The following TIMP3 variants were observed in gnomAD, a reference collection of about 807,000 sequenced individuals.
TIMP3 encodes the protein metalloproteinase inhibitor 3.
TIMP3 carries 11 observed loss-of-function variants against 30.0 expected under a neutral mutation model. The observed-to-expected ratio is 0.37, with a 90% confidence interval of 0.23 to 0.61. The LOEUF is 0.61. Ranked by LOEUF, TIMP3 falls within the 20% of genes least tolerant of loss-of-function variation. TIMP3 has a pLI of 0.70. For synonymous variants in TIMP3, 112 were observed against 111.3 expected (o/e 1.01, Z -0.04); for missense variants, 181 against 276.8 (o/e 0.65, Z 2.45).
intron 1 of TIMP3, among the ~76,000 whole-genome samples, chr22:32,806,406 A>G (rs1204018342): frequency 6.6e-6 from 1 of 152,206 alleles, no homozygotes; most frequent in Non-Finnish European, 1.5e-5. Flanking sequence ...ATTAAAAACA[A>G]AAACAACAAC....
chr22:32,817,938 G>A (rs544112029), intron 1 of TIMP3, among the ~76,000 whole-genome samples: 44 of 152,224 alleles, frequency 2.9e-4, no homozygotes, highest in African/African-American at 7.5e-4. Flanking sequence ...TTACATCACC[G>A]TCCTACCTAA....
intron 2 of TIMP3, among the ~76,000 whole-genome samples, chr22:32,855,608 G>A (rs943737554): frequency 7.9e-5 from 12 of 152,166 alleles, no homozygotes; most frequent in African/African-American, 2.9e-4. Context: ...GGTTGTCATG[G>A]TGATTCGTGG....
At chr22:32,830,907 A>G (rs1601481449) in intron 1 of TIMP3, among the ~76,000 whole-genome samples, 1 of 152,270 alleles carries the variant, frequency 6.6e-6, no homozygotes, top group South Asian at 2.1e-4. Context: ...TGCTGGCCTC[A>G]GCCTGGATGG....
chr22:32,820,822 G>C (rs1448563813), intron 1 of TIMP3, among the ~76,000 whole-genome samples: 8 of 152,168 alleles, frequency 5.3e-5, no homozygotes, highest in Non-Finnish European at 2.9e-5. Flanking sequence ...GAGAAAAGGA[G>C]GTTAACTGCT....
intron 1 of TIMP3, among the ~76,000 whole-genome samples, chr22:32,827,064 T>C (rs148576025): frequency 8.7e-4 from 132 of 152,326 alleles, no homozygotes; most frequent in Middle Eastern, 3.4e-3. Context: ...TTGCTGATCA[T>C]TGACCTCGCA....
intron 1 of TIMP3, among the ~76,000 whole-genome samples, chr22:32,847,079 C>T (rs573137660): frequency 6.6e-6 from 1 of 152,298 alleles, no homozygotes; most frequent in Non-Finnish European, 1.5e-5. Context: ...CTTGCCCCTC[C>T]CACACCCCCC....
At chr22:32,804,975 C>T (rs2046686836) in intron 1 of TIMP3, among the ~76,000 whole-genome samples, 1 of 152,142 alleles carries the variant, frequency 6.6e-6, no homozygotes, top group African/African-American at 2.4e-5. Context: ...CTCTGTCCAG[C>T]TCAGGAAGGG....
chr22:32,806,168 G>T (rs375161044), intron 1 of TIMP3, among the ~76,000 whole-genome samples: 1 of 151,966 alleles, frequency 6.6e-6, no homozygotes, highest in East Asian at 1.9e-4. Context: ...GGAGGTACCC[G>T]GTCTGCCAGT....
At chr22:32,829,546 C>T (rs570914661) in intron 1 of TIMP3, among the ~76,000 whole-genome samples, 21 of 152,322 alleles carry the variant, frequency 1.4e-4, no homozygotes, top group Non-Finnish European at 2.8e-4. Context: ...CAGGGCTGCC[C>T]GCCTCCTGTT....
At chr22:32,854,997 T>C (rs1303885150) in intron 2 of TIMP3, among the ~76,000 whole-genome samples, 3 of 152,182 alleles carry the variant, frequency 2.0e-5, no homozygotes, top group Non-Finnish European at 2.9e-5. Context: ...GGGAGGCATT[T>C]AGAAGAGACA....
chr22:32,860,543 A>C lies in TIMP3; in HGVS notation c.*1166A>C, dbSNP rs1314124773. On this transcript the variant is annotated 3_prime_UTR_variant, in exon 5 of 5. Transcript: ENST00000266085. ...CATTCCAAGTTGACATTTTTTTTTC[A>C]TTTTAATTAAAATTTGAAATTCTGA... The C allele has an allele frequency of 6.6e-6, 1 of 151,752 alleles. No individual in the cohort carries two copies. Among genetic ancestry groups the C allele is most frequent in the Non-Finnish European group, 1.5e-5 (1 of 67,792 alleles). 9.4% of individuals were successfully genotyped at this position (151,752 alleles called of 1,614,324 possible). A position where few individuals can be genotyped will look rare whatever the true frequency, so the allele number is the denominator to read the frequency against.
Position 32,860,118 on chromosome 22 carries a change from C to T in TIMP3, c.*741C>T, listed in dbSNP as rs1322138334. ...CTTTCTTAGTTGGTGAAGACTTAAA[C>T]ATCTGCCTGAGGTCAGGAGGCAATT... On this transcript the variant is annotated 3_prime_UTR_variant, in exon 5 of 5. Transcript: ENST00000266085. 6.6e-6 allele frequency: 1 copy of T among 152,254 alleles called. No homozygotes were observed. Among genetic ancestry groups the T allele is most frequent in the Admixed American group, 6.5e-5 (1 of 15,290 alleles). 9.4% of individuals were successfully genotyped at this position (152,254 alleles called of 1,614,324 possible). A position where few individuals can be genotyped will look rare whatever the true frequency, so the allele number is the denominator to read the frequency against.
chr22:32,815,393 T>C (rs1459719662), intron 1 of TIMP3, among the ~76,000 whole-genome samples: 1 of 152,206 alleles, frequency 6.6e-6, no homozygotes, highest in Non-Finnish European at 1.5e-5. Flanking sequence ...GTTTAAGAGA[T>C]AGAGATGGAA....
rs993206030 is a variant in TIMP3 at position 32,805,159 on chromosome 22, G to A, written c.121+3037G>A. ...TCCTTCTCTCTTGCCGCCTTTGCAT[G>A]GGAGGAATGGGGCTGTAGGATGAAG... On this transcript the variant is annotated intron_variant, in intron 1 of 4. Transcript: ENST00000266085. Among the ~76,000 whole-genome samples the A allele has an allele frequency of 2.0e-5, 3 of 152,162 alleles. No individual in the cohort carries two copies. The East Asian group carries it at 5.8e-4, about 29-fold the overall frequency.
In TIMP3 at chr22:32,840,102, G is replaced by T. The variant is rs142749332; in HGVS notation, c.122-9350G>T. On this transcript the variant is annotated intron_variant, in intron 1 of 4. Coordinates refer to ENST00000266085, the MANE Select transcript of TIMP3 (RefSeq NM_000362.5). The stretch of plus-strand genomic sequence containing the variant: ...GAAACAGGAATCTCTGGGCAGGGAG[G>T]TTTTCATATCCTCCAGGTTTAATAG... Among the ~76,000 whole-genome samples, 995 of 152,200 alleles carry T rather than the reference G, an allele frequency of 6.5e-3. 5 individuals are homozygous for T. The highest frequency in any genetic ancestry group is 0.022 in the African/African-American group (916 of 41,520).
In TIMP3 at chr22:32,861,150, C is replaced by T. The variant is rs1161785881; in HGVS notation, c.*1773C>T. Reference sequence around the variant, plus strand: ...CTTCAGTTCATTCCACTTTAGGAAACAGAGCTGCCAATTGAAACAGAAGAA... The same window carrying T: ...CTTCAGTTCATTCCACTTTAGGAAATAGAGCTGCCAATTGAAACAGAAGAA... On this transcript the variant is annotated 3_prime_UTR_variant, in exon 5 of 5. Coordinates refer to ENST00000266085, the MANE Select transcript of TIMP3 (RefSeq NM_000362.5). 1 of 142,628 alleles carries T rather than the reference C, an allele frequency of 7.0e-6. No homozygotes were observed. The highest frequency in any genetic ancestry group is 1.5e-5 in the Non-Finnish European group (1 of 66,512). 8.8% of individuals were successfully genotyped at this position (142,628 alleles called of 1,614,324 possible).
chr22:32,832,648 C>T (rs753866804), intron 1 of TIMP3, among the ~76,000 whole-genome samples: 2 of 151,214 alleles, frequency 1.3e-5, no homozygotes, highest in Admixed American at 6.6e-5. Context: ...AGTTGGGAGA[C>T]AGAGTCTGGT....
intron 1 of TIMP3, among the ~76,000 whole-genome samples, chr22:32,828,582 G>A (rs1186434968): frequency 1.3e-5 from 2 of 152,178 alleles, no homozygotes; most frequent in African/African-American, 4.8e-5. Flanking sequence ...GCCTTTATTT[G>A]GTCTGTTTGC....
intron 1 of TIMP3, among the ~76,000 whole-genome samples, chr22:32,839,715 T>A (rs2047839224): frequency 6.6e-6 from 1 of 152,176 alleles, no homozygotes; most frequent in Non-Finnish European, 1.5e-5. Context: ...AAGGAGCGAC[T>A]CTTAAATTTT....
Sources: gnomAD v4.1 joint callset for allele counts (sites outside exome capture counted in the v4.1 genomes callset) on GRCh38, gnomAD v4.1.1 for gene constraint, MANE v1.5 for transcripts, NCBI Gene and HGNC (gene_info 2026-07-23, HGNC 2026-07-21) for gene names.